PPFIA2: variants seen among roughly 807,000 people sequenced by gnomAD.
PPFIA2 encodes PPFI scaffold protein A2.
A neutral mutation model predicts 175.5 loss-of-function variants in PPFIA2; 46 were observed. That is an observed-to-expected ratio of 0.26 (90% CI 0.21 to 0.34). The LOEUF is 0.34. Among genes scored for constraint, PPFIA2 ranks in the 10% least tolerant of loss-of-function variants. PPFIA2 has a pLI of 1.00. For synonymous variants in PPFIA2, 568 were observed against 511.4 expected, an observed-to-expected ratio of 1.11 and a Z score of -1.49; for missense variants, 1,179 against 1,506.1, an observed-to-expected ratio of 0.78 and a Z score of 3.60.
intron 24 of PPFIA2, among the ~76,000 whole-genome samples, chr12:81,293,888 T>C (rs571787775): frequency 1.4e-3 from 220 of 152,260 alleles, no homozygotes; most frequent in Non-Finnish European, 1.3e-3. Flanking sequence ...ATGGAATGAA[T>C]CTAAGTGTCC....
intron 9 of PPFIA2, among the ~76,000 whole-genome samples, chr12:81,377,427 C>T (rs982177618): frequency 1.3e-5 from 2 of 151,942 alleles, no homozygotes; most frequent in African/African-American, 2.4e-5. Context: ...TGGCTCATGC[C>T]TGTAATCCCA....
intron 3 of PPFIA2, among the ~76,000 whole-genome samples, chr12:81,713,153 AAAT>A (rs972924107): frequency 3.3e-5 from 5 of 150,108 alleles, no homozygotes; most frequent in African/African-American, 5.0e-5. Flanking sequence ...AAAATATGAT[AAAT>A]AATAATACAG....
At chr12:81,507,837 A>G (rs1369730355) in intron 4 of PPFIA2, among the ~76,000 whole-genome samples, 1 of 152,216 alleles carries the variant, frequency 6.6e-6, no homozygotes, top group Admixed American at 6.5e-5. Flanking sequence ...TTTATGAGAA[A>G]CGGGAGAGAC....
At chr12:81,352,238 TA>T (rs2060136703) in intron 17 of PPFIA2, among the ~76,000 whole-genome samples, 1 of 151,822 alleles carries the variant, frequency 6.6e-6, no homozygotes, top group African/African-American at 2.4e-5. Context: ...CCCTTAAAAG[TA>T]TTTAAAAATT....
chr12:81,561,973 T>C (rs1001741761), intron 4 of PPFIA2, among the ~76,000 whole-genome samples: 1 of 152,226 alleles, frequency 6.6e-6, no homozygotes, highest in Non-Finnish European at 1.5e-5. Context: ...CCTTAACAAA[T>C]ACTTCATGTT....
At chr12:81,445,420 A>G (rs1421596592) in intron 6 of PPFIA2, 136 bp downstream of exon 6, 2 of 748,952 alleles carry the variant, frequency 2.7e-6, no homozygotes, top group East Asian at 2.7e-5. Context: ...CTTTTAAAAA[A>G]TGATTTTTCA....
intron 21 of PPFIA2, among the ~76,000 whole-genome samples, chr12:81,327,102 A>C (rs2054948609): frequency 1.3e-5 from 2 of 152,200 alleles, no homozygotes; most frequent in Admixed American, 1.3e-4. Flanking sequence ...ATAATACTGG[A>C]TAATATTAAC....
rs139923159 is a variant in PPFIA2 at position 81,383,101 on chromosome 12, G to C, written c.984+922C>G. Among the ~76,000 whole-genome samples the C allele has an allele frequency of 2.6e-3, 403 of 152,238 alleles. 1 individual carries two copies. The highest frequency in any genetic ancestry group is 9.0e-3 in the African/African-American group (373 of 41,560). On this transcript the variant is annotated intron_variant, in intron 9 of 32. Transcript: ENST00000549396. ...ATTCAGTAACATGGAGGTCAGTAAT[G>C]ACTTTTATGAGAAGAGTTTTGGTGG...
intron 4 of PPFIA2, among the ~76,000 whole-genome samples, chr12:81,556,654 A>G (rs1183839417): frequency 2.0e-5 from 3 of 151,876 alleles, no homozygotes; most frequent in Admixed American, 1.3e-4. Flanking sequence ...ATAGTTCAAT[A>G]TATCTACCCC....
At chr12:81,272,882 T>A (rs2039500906) in intron 28 of PPFIA2, among the ~76,000 whole-genome samples, 1 of 152,172 alleles carries the variant, frequency 6.6e-6, no homozygotes, top group South Asian at 2.1e-4. Context: ...AGCTTAGGAA[T>A]CTCCTTCACT....
At chr12:81,646,216 G>T (rs917211918) in intron 4 of PPFIA2, among the ~76,000 whole-genome samples, 5 of 152,130 alleles carry the variant, frequency 3.3e-5, no homozygotes, top group African/African-American at 9.7e-5. Context: ...ATTCTACAAT[G>T]ATATAGTATA....
At chr12:81,733,069 A>C (rs1467810029) in intron 3 of PPFIA2, among the ~76,000 whole-genome samples, 1 of 151,600 alleles carries the variant, frequency 6.6e-6, no homozygotes, top group Non-Finnish European at 1.5e-5. Flanking sequence ...TTACTGAAAT[A>C]TTTTATAAAT....
chr12:81,690,860 T>C (rs1466129710), intron 3 of PPFIA2, among the ~76,000 whole-genome samples: 3 of 152,168 alleles, frequency 2.0e-5, no homozygotes, highest in African/African-American at 4.8e-5. Flanking sequence ...TTTTGGCTTA[T>C]GGCCTCTTCC....
At chr12:81,705,083 TAAAAAAAAAA>T (rs557079067) in intron 3 of PPFIA2, among the ~76,000 whole-genome samples, 1 of 32,356 alleles carries the variant, frequency 3.1e-5, no homozygotes, top group Non-Finnish European at 5.1e-5. Flanking sequence ...AAACTCTGTC[TAAAAAAAAAA>T]AAAAAAAAAA....
chr12:81,724,314 CTTCTA>C (rs1162690721), intron 3 of PPFIA2, among the ~76,000 whole-genome samples: 1 of 150,666 alleles, frequency 6.6e-6, no homozygotes, highest in Admixed American at 6.6e-5. Context: ...AATTTTGAGC[CTTCTA>C]TTTATTTATT....
chr12:81,734,929 T>A (rs750013754), intron 3 of PPFIA2, among the ~76,000 whole-genome samples: 22 of 151,828 alleles, frequency 1.4e-4, no homozygotes, highest in Non-Finnish European at 2.7e-4. Context: ...TAATATGTAA[T>A]CTTTTATGAT....
In PPFIA2 at chr12:81,754,003, G is replaced by C. The variant is rs2084252950; in HGVS notation, c.219C>G (p.Leu73=). The change falls in exon 3 of 33, where the codon CTC becomes CTG. Residue 73 remains leucine (L), a synonymous_variant. Coordinates refer to ENST00000549396, the MANE Select transcript of PPFIA2 (RefSeq NM_003625.5). ...LQDVIYDRDS[L]QRQLNSALPQ... is the part of the protein sequence containing the mutation. ...GCAGGGCTGAATTGAGCTGTCTCTGGAGTGAGTCTCGGTCATAGATGACAT... is the reference window on the plus strand; with the variant it reads ...GCAGGGCTGAATTGAGCTGTCTCTGCAGTGAGTCTCGGTCATAGATGACAT... 3.1e-6 allele frequency: 5 copies of C among 1,613,762 alleles called. No individual in the cohort carries two copies. Among genetic ancestry groups the C allele is most frequent in the African/African-American group, 1.3e-5 (1 of 74,944 alleles).
chr12:81,388,591 C>G (rs1379743006), intron 8 of PPFIA2, among the ~76,000 whole-genome samples: 2 of 151,918 alleles, frequency 1.3e-5, no homozygotes, highest in African/African-American at 4.8e-5. Context: ...TTTACGGAGG[C>G]ACATATATTT....
At chr12:81,621,209 A>C (rs2153480729) in intron 4 of PPFIA2, among the ~76,000 whole-genome samples, 1 of 152,328 alleles carries the variant, frequency 6.6e-6, no homozygotes, top group Middle Eastern at 3.4e-3. Flanking sequence ...AAAGAGCATA[A>C]CAGGCAGAGA....
Sources: gnomAD v4.1 joint callset for allele counts (sites outside exome capture counted in the v4.1 genomes callset) on GRCh38, gnomAD v4.1.1 for gene constraint, MANE v1.5 for transcripts, NCBI Gene and HGNC (gene_info 2026-07-23, HGNC 2026-07-21) for gene names.